NPAT: variants seen among roughly 807,000 people sequenced by gnomAD.
NPAT encodes the protein protein NPAT.
NPAT carries 52 observed loss-of-function variants against 130.7 expected under a neutral mutation model. The observed-to-expected ratio is 0.40, with a 90% CI of 0.32 to 0.50. The LOEUF is 0.50. Among genes scored for constraint, NPAT ranks in the 20% least tolerant of loss-of-function variants. NPAT has a pLI of 0.68. For missense variants in NPAT, 1,687 were observed against 1,662.6 expected (o/e 1.01, Z -0.26); for synonymous variants, 580 against 584.8 (o/e 0.99, Z 0.12).
At chr11:108,198,768 T>A (rs893995426) in intron 1 of NPAT, among the ~76,000 whole-genome samples, 3 of 152,170 alleles carry the variant, frequency 2.0e-5, no homozygotes, top group Non-Finnish European at 4.4e-5. Context: ...GCCTTTGGAA[T>A]CCCCTCTCAC....
chr11:108,203,084 T>C (rs1427048092), intron 1 of NPAT, among the ~76,000 whole-genome samples: 3 of 152,146 alleles, frequency 2.0e-5, no homozygotes, highest in African/African-American at 7.2e-5. Context: ...GAAAACTGTC[T>C]TGAGAGACTC....
At chr11:108,168,802 A>G (rs2077923923) in intron 15 of NPAT, among the ~76,000 whole-genome samples, 1 of 152,150 alleles carries the variant, frequency 6.6e-6, no homozygotes, top group Non-Finnish European at 1.5e-5. Flanking sequence ...CAGGGACAAG[A>G]AAGATCACCA....
At chr11:108,196,688 G>A (rs918613598) in intron 2 of NPAT, among the ~76,000 whole-genome samples, 10 of 152,086 alleles carry the variant, frequency 6.6e-5, no homozygotes, top group African/African-American at 1.9e-4. Flanking sequence ...TATTATAAAC[G>A]GGTATTTTCA....
chr11:108,202,730 G>A (rs1179622217), intron 1 of NPAT, among the ~76,000 whole-genome samples: 1 of 152,130 alleles, frequency 6.6e-6, no homozygotes, highest in Non-Finnish European at 1.5e-5. Flanking sequence ...CAAATAATGG[G>A]AGGTTACCCA....
At chr11:108,186,397 T>G in intron 8 of NPAT, 85 bp downstream of exon 8, 1 of 961,308 alleles carries the variant, frequency 1.0e-6, no homozygotes, top group Non-Finnish European at 1.7e-6. Flanking sequence ...ATTTGATACA[T>G]ACACACATAC....
At chr11:108,172,028 TAA>T in intron 13 of NPAT, 169 bp downstream of exon 13, 1 of 627,650 alleles carries the variant, frequency 1.6e-6, no homozygotes, top group African/African-American at 1.8e-5. Context: ...TTAAGAAAAA[TAA>T]AAAAGGTTTG....
At chr11:108,216,778 T>C (rs1321998264) in intron 1 of NPAT, among the ~76,000 whole-genome samples, 2 of 152,176 alleles carry the variant, frequency 1.3e-5, no homozygotes, top group African/African-American at 4.8e-5. Flanking sequence ...ATAATGTATC[T>C]CAAAATAGTA....
At chr11:108,216,492 C>T (rs759845659) in intron 1 of NPAT, among the ~76,000 whole-genome samples, 3 of 150,258 alleles carry the variant, frequency 2.0e-5, no homozygotes, top group Admixed American at 6.7e-5. Flanking sequence ...ATTAAACTTT[C>T]GTGTGGGGAG....
At chr11:108,201,075 T>C (rs1408764426) in intron 1 of NPAT, among the ~76,000 whole-genome samples, 2 of 152,176 alleles carry the variant, frequency 1.3e-5, no homozygotes, top group African/African-American at 4.8e-5. Flanking sequence ...TGCGTTCCAA[T>C]TGAGGAAGTC....
intron 2 of NPAT, 99 bp downstream of exon 2, chr11:108,197,203 G>C: frequency 1.1e-6 from 1 of 882,116 alleles, no homozygotes; most frequent in Non-Finnish European, 1.9e-6. Context: ...CCAAATTTCT[G>C]CCAATTTCAA....
chr11:108,172,497 A>T lies in NPAT; in HGVS notation c.2487T>A (p.Asn829Lys). ...TAGCTGAAAAAGCAATGCCATCTTC[A>T]TTCTGAGTATTGTTTACTGCAGAGT... is the stretch of plus-strand genomic sequence containing the variant. Reference protein sequence around the residue: ...SEDSAVNNTQNEDGIAFSANV... With the variant: ...SEDSAVNNTQKEDGIAFSANV... The change falls in exon 13 of 18, where the codon AAT (asparagine) becomes AAA (lysine). Residue 829 changes from asparagine to lysine, a missense_variant. By Grantham distance (94) the Asn-to-Lys change is moderately conservative. Around this residue, in one of 3 missense-constraint regions of NPAT, gnomAD observed 1,379 missense variants for 1,346.6 expected, o/e 1.02. Coordinates refer to ENST00000278612, the MANE Select transcript of NPAT (RefSeq NM_002519.3). 1 of 1,614,222 alleles carries T rather than the reference A, an allele frequency of 6.2e-7. No homozygotes were observed. The highest frequency in any genetic ancestry group is 1.3e-5 in the African/African-American group (1 of 75,074).
chr11:108,196,613 A>G (rs764166111), intron 2 of NPAT, among the ~76,000 whole-genome samples: 2 of 152,148 alleles, frequency 1.3e-5, no homozygotes, highest in Non-Finnish European at 2.9e-5. Context: ...GGCAATTTTG[A>G]GCATTTGGAT....
In NPAT at chr11:108,207,616, C is replaced by G. The variant is rs115626288; in HGVS notation, c.38-10196G>C. 8.3e-3 allele frequency among the ~76,000 whole-genome samples: 1,260 copies of G among 152,380 alleles called. 17 individuals carry two copies. The highest frequency in any genetic ancestry group is 0.029 in the African/African-American group (1,188 of 41,594). On this transcript the variant is annotated intron_variant, in intron 1 of 17. Transcript: ENST00000278612. Reference sequence around the variant, plus strand: ...GTGCACACACCCAGCCAGGTCCCGACAGCAGCAGGCTCAGCCTCAACTTTA... The same window carrying G: ...GTGCACACACCCAGCCAGGTCCCGAGAGCAGCAGGCTCAGCCTCAACTTTA...
At chr11:108,172,054 A>G (rs2077956375) in intron 13 of NPAT, 145 bp downstream of exon 13, 1 of 718,542 alleles carries the variant, frequency 1.4e-6, no homozygotes, top group East Asian at 2.6e-5. Flanking sequence ...TAGCTAGCAT[A>G]AAGAAGCAGC....
chr11:108,187,025 A>C (rs2078114152), intron 7 of NPAT, among the ~76,000 whole-genome samples: 1 of 152,228 alleles, frequency 6.6e-6, no homozygotes, highest in Non-Finnish European at 1.5e-5. Flanking sequence ...AAGCACAGCA[A>C]GCTCTGACTC....
intron 15 of NPAT, among the ~76,000 whole-genome samples, chr11:108,165,111 T>C (rs1426643486): frequency 6.6e-6 from 1 of 152,050 alleles, no homozygotes; most frequent in Admixed American, 6.5e-5. Flanking sequence ...TTCACAATGA[T>C]GAAAAAATGT....
intron 6 of NPAT, 67 bp downstream of exon 6, chr11:108,189,036 CATT>C: frequency 3.3e-6 from 4 of 1,208,276 alleles, no homozygotes; most frequent in Non-Finnish European, 4.9e-6. Context: ...AGTATAAAGA[CATT>C]AGTATATTAT....
intron 1 of NPAT, among the ~76,000 whole-genome samples, chr11:108,210,243 C>T (rs532858678): frequency 1.3e-5 from 2 of 152,060 alleles, no homozygotes; most frequent in African/African-American, 4.8e-5. Context: ...TAGAAAGACC[C>T]TCATGTAGTT....
rs187209097 is a variant in NPAT at position 108,216,751 on chromosome 11, T to C, written c.37+5749A>G. Among the ~76,000 whole-genome samples the C allele has an allele frequency of 8.7e-4, 132 of 152,322 alleles. 1 individual carries two copies. Among genetic ancestry groups the C allele is most frequent in the African/African-American group, 3.0e-3 (123 of 41,572 alleles). ...GCTGTTAAAAGCTAGATTACCTCTA[T>C]AATAAGTGTTTAAGTTATAATGTAT... On this transcript the variant is annotated intron_variant, in intron 1 of 17. Coordinates refer to ENST00000278612, the MANE Select transcript of NPAT (RefSeq NM_002519.3).
Sources: allele counts gnomAD v4.1 joint callset (sites outside exome capture counted in the v4.1 genomes callset), GRCh38; gene constraint gnomAD v4.1.1; regional missense constraint gnomAD v4.1.1; transcripts MANE v1.5; gene names NCBI Gene and HGNC (gene_info 2026-07-23, HGNC 2026-07-21).